Variants in RPH3A observed in about 807,000 individuals in gnomAD.
RPH3A encodes the protein rabphilin 3A.
A neutral mutation model predicts 102.2 loss-of-function variants in RPH3A; 48 were observed. The observed-to-expected ratio is 0.47, with a 90% CI of 0.37 to 0.60. The LOEUF is 0.60. Among genes scored for constraint, RPH3A ranks in the 20% least tolerant of loss-of-function variants. The pLI, the probability that RPH3A is intolerant of heterozygous loss-of-function variation, is 0.00. For synonymous variants in RPH3A, 310 were observed against 324.3 expected (o/e 0.96, Z 0.47); for missense variants, 781 against 910.1 (o/e 0.86, Z 1.83).
intron 8 of RPH3A, 175 bp downstream of exon 8, chr12:112,868,770 A>C: frequency 1.5e-6 from 1 of 647,604 alleles, no homozygotes; most frequent in Non-Finnish European, 2.5e-6. Flanking sequence ...AATCGTTACC[A>C]AGAGGGTAGC....
chr12:112,870,167 T>C, intron 10 of RPH3A, 128 bp downstream of exon 10: 1 of 896,466 alleles, frequency 1.1e-6, no homozygotes, highest in South Asian at 2.2e-5. Flanking sequence ...CCGTGTTCTA[T>C]TCCAGATACT....
At chr12:112,890,646 T>C (rs1346478209) in intron 18 of RPH3A, among the ~76,000 whole-genome samples, 1 of 152,204 alleles carries the variant, frequency 6.6e-6, no homozygotes, top group Non-Finnish European at 1.5e-5. Context: ...GGGAAGCCAT[T>C]GGTCCCCATG....
intron 1 of RPH3A, among the ~76,000 whole-genome samples, chr12:112,583,488 TA>T (rs200555809): frequency 6.7e-6 from 1 of 148,422 alleles, no homozygotes. Flanking sequence ...CATCTGTAAT[TA>T]AAAAAAAATA....
At chr12:112,654,591 A>G (rs1294480339) in intron 1 of RPH3A, among the ~76,000 whole-genome samples, 2 of 152,198 alleles carry the variant, frequency 1.3e-5, no homozygotes, top group Non-Finnish European at 2.9e-5. Flanking sequence ...GAAATCACAG[A>G]GAAATCCCTT....
intron 1 of RPH3A, among the ~76,000 whole-genome samples, chr12:112,782,087 G>T (rs766477453): frequency 2.0e-5 from 3 of 152,234 alleles, no homozygotes. Context: ...GGAGCAGTTC[G>T]GGATGGGTCC....
At chr12:112,700,399 C>T (rs1194027362) in intron 1 of RPH3A, among the ~76,000 whole-genome samples, 1 of 152,058 alleles carries the variant, frequency 6.6e-6, no homozygotes, top group Non-Finnish European at 1.5e-5. Context: ...TTTGTCAGAC[C>T]ATCTTTACTA....
chr12:112,800,980 G>GT (rs973806305), intron 2 of RPH3A, among the ~76,000 whole-genome samples: 9 of 151,066 alleles, frequency 6.0e-5, no homozygotes, highest in South Asian at 2.1e-4. Context: ...TGGGTTTTTT[G>GT]TTTTTTTTTC....
intron 1 of RPH3A, among the ~76,000 whole-genome samples, chr12:112,759,812 T>C (rs1270116321): frequency 6.6e-6 from 1 of 152,162 alleles, no homozygotes; most frequent in East Asian, 1.9e-4. Context: ...TTCTGGTGCG[T>C]ATGTCCTTCT....
chr12:112,797,930 C>A (rs2041265451), intron 2 of RPH3A, among the ~76,000 whole-genome samples: 1 of 152,150 alleles, frequency 6.6e-6, no homozygotes, highest in East Asian at 1.9e-4. Context: ...CTCAAGCTAT[C>A]CTCCTGCCTC....
intron 1 of RPH3A, among the ~76,000 whole-genome samples, chr12:112,757,176 TC>T (rs1592982605): frequency 2.0e-5 from 3 of 152,338 alleles, no homozygotes; most frequent in Admixed American, 1.3e-4. Context: ...ATACTATGGT[TC>T]AACGTCCCAA....
intron 16 of RPH3A, among the ~76,000 whole-genome samples, chr12:112,885,006 A>G (rs1287685057): frequency 6.6e-6 from 1 of 152,146 alleles, no homozygotes; most frequent in African/African-American, 2.4e-5. Flanking sequence ...TTCATTTAAC[A>G]TTTTACATGT....
intron 1 of RPH3A, among the ~76,000 whole-genome samples, chr12:112,734,294 A>G (rs2040653626): frequency 6.6e-6 from 1 of 152,260 alleles, no homozygotes; most frequent in African/African-American, 2.4e-5. Context: ...CCTAAAAGCA[A>G]TAGGCTCTAC....
intron 1 of RPH3A, among the ~76,000 whole-genome samples, chr12:112,649,779 A>C (rs1473864929): frequency 6.6e-6 from 1 of 152,214 alleles, no homozygotes; most frequent in Non-Finnish European, 1.5e-5. Flanking sequence ...GGAGGCTGAA[A>C]GTCCAAGATC....
chr12:112,825,535 C>G (rs12306154), intron 2 of RPH3A, among the ~76,000 whole-genome samples: 7,540 of 152,088 alleles, frequency 0.05, 624 homozygotes, highest in African/African-American at 0.17. Flanking sequence ...GTCTCTCCCC[C>G]CCTTACTCTT....
chr12:112,767,869 C>CCA (rs2040901486), intron 1 of RPH3A, among the ~76,000 whole-genome samples: 1 of 152,154 alleles, frequency 6.6e-6, no homozygotes, highest in South Asian at 2.1e-4. Flanking sequence ...CTGCAAAAGG[C>CCA]CACATGTTAC....
chr12:112,725,303 C>T (rs894671617), intron 1 of RPH3A, among the ~76,000 whole-genome samples: 1 of 143,392 alleles, frequency 7.0e-6, no homozygotes, highest in African/African-American at 2.6e-5. Context: ...ATAAATGCAT[C>T]TTCTGCTTTT....
Position 112,691,379 on chromosome 12 carries a change from G to A in RPH3A, c.-139-100764G>A, listed in dbSNP as rs574910609. Among the ~76,000 whole-genome samples the A allele has an allele frequency of 5.3e-5, 8 of 152,212 alleles. No individual in the cohort carries two copies. In the East Asian group the frequency reaches 5.8e-4, roughly 11 times the overall value. On this transcript the variant is annotated intron_variant, in intron 1 of 21. Transcript: ENST00000543106. ...GGGGAGGACTGAAAGGAGAAGTGGGGGAGGAATAAGGCCATTTACCACATT... is the reference window on the plus strand; with the variant it reads ...GGGGAGGACTGAAAGGAGAAGTGGGAGAGGAATAAGGCCATTTACCACATT...
intron 1 of RPH3A, among the ~76,000 whole-genome samples, chr12:112,763,223 G>A (rs2040866412): frequency 6.6e-6 from 1 of 152,330 alleles, no homozygotes; most frequent in African/African-American, 2.4e-5. Flanking sequence ...CTAGGACATG[G>A]TGTGCATTCA....
chr12:112,833,857 G>C (rs1766602718), intron 3 of RPH3A, among the ~76,000 whole-genome samples: 1 of 151,922 alleles, frequency 6.6e-6, no homozygotes, highest in Non-Finnish European at 1.5e-5. Flanking sequence ...GGCTTCCTGA[G>C]AACCTGGGAC....
Sources: allele counts gnomAD v4.1 joint callset (sites outside exome capture counted in the v4.1 genomes callset), GRCh38; gene constraint gnomAD v4.1.1; transcripts MANE v1.5; gene names NCBI Gene and HGNC (gene_info 2026-07-23, HGNC 2026-07-21).